SKP2: variants seen among roughly 807,000 people sequenced by gnomAD.
The protein encoded by SKP2 is S-phase kinase associated protein 2, also known as S-phase kinase-associated protein 2.
A neutral mutation model predicts 51.8 loss-of-function variants in SKP2; 16 were observed. The observed-to-expected ratio is 0.31, with a 90% CI of 0.21 to 0.47. The LOEUF (loss-of-function observed/expected upper bound fraction) is 0.47, where lower values mean the gene tolerates loss of function less well. Ranked by LOEUF, SKP2 falls within the 20% of genes least tolerant of loss-of-function variation. SKP2 has a pLI of 1.00. For missense variants in SKP2, 377 were observed against 505.3 expected (o/e 0.75, Z 2.43); for synonymous variants, 176 against 198.6 (o/e 0.89, Z 0.96).
intron 9 of SKP2, 59 bp from the exon 10 acceptor site, chr5:36,181,759 T>G: frequency 6.3e-7 from 1 of 1,589,288 alleles, no homozygotes; most frequent in Non-Finnish European, 8.6e-7. Flanking sequence ...GTCATATAAC[T>G]CTAGTCAAAC....
intron 3 of SKP2, among the ~76,000 whole-genome samples, chr5:36,166,018 T>C (rs1435952397): frequency 6.6e-6 from 1 of 152,222 alleles, no homozygotes; most frequent in Non-Finnish European, 1.5e-5. Flanking sequence ...ACTGTTGCTA[T>C]TGAATATCTA....
At chr5:36,173,553 C>T (rs1447866766) in intron 7 of SKP2, among the ~76,000 whole-genome samples, 1 of 152,114 alleles carries the variant, frequency 6.6e-6, no homozygotes, top group East Asian at 1.9e-4. Flanking sequence ...TGACATGAAT[C>T]GAGGCTCTGG....
At chr5:36,157,244 C>T (rs1744980406) in intron 2 of SKP2, among the ~76,000 whole-genome samples, 1 of 152,150 alleles carries the variant, frequency 6.6e-6, no homozygotes, top group African/African-American at 2.4e-5. Flanking sequence ...GAGGTTGGGA[C>T]TACAATACTG....
At chr5:36,187,953 CTCT>C (rs1745971795), downstream of SKP2, among the ~76,000 whole-genome samples, 2 of 152,154 alleles carry the variant, frequency 1.3e-5, no homozygotes, top group African/African-American at 4.8e-5. Context: ...GGATAGTTAG[CTCT>C]TCTTGTTGAA....
chr5:36,176,535 G>T (rs1745637997), intron 7 of SKP2, among the ~76,000 whole-genome samples: 1 of 151,524 alleles, frequency 6.6e-6, no homozygotes, highest in Non-Finnish European at 1.5e-5. Flanking sequence ...TATGTTATTT[G>T]AGTTGGAGAA....
chr5:36,159,105 G>A (rs1745044240), intron 2 of SKP2, among the ~76,000 whole-genome samples: 1 of 152,210 alleles, frequency 6.6e-6, no homozygotes, highest in African/African-American at 2.4e-5. Flanking sequence ...TCTGGGCATG[G>A]GGCCTGTGGT....
At chr5:36,168,290 T>A (rs776258999) in intron 4 of SKP2, 23 bp from the exon 5 acceptor site, 3 of 1,609,610 alleles carry the variant, frequency 1.9e-6, no homozygotes, top group Non-Finnish European at 2.5e-6. Context: ...CCTATGGAGC[T>A]CCTTTTTTCT....
At chr5:36,174,209 A>T (rs1367603434) in intron 7 of SKP2, among the ~76,000 whole-genome samples, 1 of 152,138 alleles carries the variant, frequency 6.6e-6, no homozygotes, top group East Asian at 1.9e-4. Context: ...CCTTTGAAGT[A>T]ACGGGTTGGA....
chr5:36,190,905 A>C (rs750039632), intron 6 of SKP2, among the ~76,000 whole-genome samples: 26 of 152,196 alleles, frequency 1.7e-4, no homozygotes, highest in Non-Finnish European at 3.5e-4. Flanking sequence ...TTGTATATCA[A>C]GATGGTGTTG....
chr5:36,182,157 G>C lies in SKP2; in HGVS notation c.*126G>C. 6.9e-7 allele frequency: 1 copy of C among 1,447,172 alleles called. No homozygotes were observed. The highest frequency in any genetic ancestry group is 9.1e-7 in the Non-Finnish European group (1 of 1,103,492). The allele number at this position is 1,447,172 out of a possible 1,614,324, so 89.6% of individuals were successfully genotyped here. ...TTGCCTTCATTCTGCAAGTATACTAGGGAGCCATTTGAGAGGGAAAACTAT... is the reference window on the plus strand; with the variant it reads ...TTGCCTTCATTCTGCAAGTATACTACGGAGCCATTTGAGAGGGAAAACTAT... On this transcript the variant is annotated 3_prime_UTR_variant, in exon 10 of 10. Transcript: ENST00000274255.
In SKP2 at chr5:36,183,960, C is replaced by G; in HGVS notation, c.*1929C>G. ...TATTTTGCCAACATGTCAGAGTAAT[C>G]TGTATTTTTGTATGTGATTTCTACT... is the stretch of plus-strand genomic sequence containing the variant. On this transcript the variant is annotated 3_prime_UTR_variant, in exon 10 of 10. Coordinates refer to ENST00000274255, the MANE Select transcript of SKP2 (RefSeq NM_005983.4). 1 of 1,609,786 alleles carries G rather than the reference C, an allele frequency of 6.2e-7. No individual in the cohort carries two copies. Among genetic ancestry groups the G allele is most frequent in the Non-Finnish European group, 8.5e-7 (1 of 1,178,422 alleles).
intron 2 of SKP2, among the ~76,000 whole-genome samples, chr5:36,157,641 T>C (rs1744994709): frequency 6.6e-6 from 1 of 152,146 alleles, no homozygotes; most frequent in Non-Finnish European, 1.5e-5. Context: ...AATTCTGAGG[T>C]GAGCACCCCC....
chr5:36,166,452 ATGT>A, intron 3 of SKP2, 64 bp from the exon 4 acceptor site: 12 of 1,392,922 alleles, frequency 8.6e-6, no homozygotes, highest in Non-Finnish European at 1.2e-5. Flanking sequence ...CCTGTTAGTA[ATGT>A]TGTTGAGGGC....
intron 9 of SKP2, among the ~76,000 whole-genome samples, chr5:36,177,813 G>T (rs1745682968): frequency 6.6e-6 from 1 of 152,070 alleles, no homozygotes; most frequent in South Asian, 2.1e-4. Flanking sequence ...TTGAACAGGG[G>T]CATGTTAAGG....
Position 36,168,413 on chromosome 5 carries a change from C to G in SKP2, c.637C>G (p.Leu213Val), listed in dbSNP as rs762670708. 3.2e-5 allele frequency: 51 copies of G among 1,614,092 alleles called. No homozygotes were observed. Among genetic ancestry groups the G allele is most frequent in the Non-Finnish European group, 4.2e-5 (50 of 1,180,034 alleles). Residue 213 changes from leucine (L) to valine (V), a missense_variant, in exon 5 of 10, where the codon CTG becomes GTG. Leu to Val is a conservative substitution (Grantham distance 32). This residue lies in a region of SKP2 where 262 missense variants were observed against 389.8 expected (regional missense o/e 0.67). Transcript: ENST00000274255. The stretch of plus-strand genomic sequence containing the variant: ...GTGTTCCAAGTTGCAGAATCTAAGC[C>G]TGGAAGGCCTGCGGCTTTCGGATCC... ...SQCSKLQNLS[L>V]EGLRLSDPIV...
At position 36,182,663 on chromosome 5, in the gene SKP2, G is replaced by GAATC; in HGVS notation, c.*636_*639dup. 1.0e-6 allele frequency: 1 copy of GAATC among 976,820 alleles called. No homozygotes were observed. The highest frequency in any genetic ancestry group is 1.2e-6 in the Non-Finnish European group (1 of 822,100). 60.5% of individuals were successfully genotyped at this position (976,820 alleles called of 1,614,324 possible). On this transcript the variant is annotated 3_prime_UTR_variant, in exon 10 of 10. Transcript: ENST00000274255. The stretch of plus-strand genomic sequence containing the variant: ...AAACATTACAAAACCCAGAGATATA[G>GAATC]AATCAATATAGGATTTGAAGGCCCA...
intron 2 of SKP2, among the ~76,000 whole-genome samples, chr5:36,163,258 G>A (rs1745181378): frequency 1.3e-5 from 2 of 152,186 alleles, no homozygotes; most frequent in Non-Finnish European, 1.5e-5. Flanking sequence ...CAATGTCATT[G>A]AATGACATTT....
At chr5:36,166,492 C>T (rs1305253828) in intron 3 of SKP2, 27 bp from the exon 4 acceptor site, 1 of 1,611,428 alleles carries the variant, frequency 6.2e-7, no homozygotes, top group Non-Finnish European at 8.5e-7. Flanking sequence ...GACCGACTGG[C>T]CAAATTAAGT....
intron 3 of SKP2, among the ~76,000 whole-genome samples, chr5:36,164,307 C>A (rs1349760841): frequency 6.6e-6 from 1 of 152,212 alleles, no homozygotes; most frequent in Non-Finnish European, 1.5e-5. Context: ...GCCTGACTCA[C>A]AGACATGTTC....
Sources: allele counts gnomAD v4.1 joint callset (sites outside exome capture counted in the v4.1 genomes callset), GRCh38; gene constraint gnomAD v4.1.1; regional missense constraint gnomAD v4.1.1; transcripts MANE v1.5; gene names NCBI Gene and HGNC (gene_info 2026-07-23, HGNC 2026-07-21).